CACNA1C: variants seen among roughly 807,000 people sequenced by gnomAD.
The protein encoded by CACNA1C is calcium voltage-gated channel subunit alpha1 C.
Under a neutral mutation model 229.0 loss-of-function variants are expected in CACNA1C, and 30 were observed. The ratio of observed to expected loss-of-function variants is 0.13; its 90% CI spans 0.10 to 0.18. The LOEUF is 0.18. Ranked by LOEUF, CACNA1C falls within the 10% of genes least tolerant of loss-of-function variation. The pLI is 1.00. For missense variants in CACNA1C, 1,658 were observed against 2,845.0 expected (o/e 0.58, Z 9.49); for synonymous variants, 1,114 against 1,132.5 (o/e 0.98, Z 0.33).
intron 1 of CACNA1C, among the ~76,000 whole-genome samples, chr12:2,063,205 G>A (rs2058145611): frequency 6.9e-6 from 1 of 143,910 alleles, no homozygotes. Flanking sequence ...AGGCTGGAGT[G>A]CAGTGGTACG....
chr12:2,364,141 G>C (rs762063769), intron 3 of CACNA1C, among the ~76,000 whole-genome samples: 4 of 152,188 alleles, frequency 2.6e-5, no homozygotes, highest in Non-Finnish European at 5.9e-5. Flanking sequence ...ACCTAAACGA[G>C]AGGTGAGGCC....
At chr12:2,192,398 A>G (rs2097266696) in intron 3 of CACNA1C, among the ~76,000 whole-genome samples, 1 of 152,068 alleles carries the variant, frequency 6.6e-6, no homozygotes, top group African/African-American at 2.4e-5. Flanking sequence ...CTCAGCTCCA[A>G]GCCTTCTTCT....
intron 3 of CACNA1C, among the ~76,000 whole-genome samples, chr12:2,197,918 C>T (rs1207239930): frequency 6.6e-6 from 1 of 152,190 alleles, no homozygotes; most frequent in African/African-American, 2.4e-5. Flanking sequence ...AGATGATTTC[C>T]AAACGAAGCT....
At chr12:2,624,588 A>G (rs995903157) in intron 29 of CACNA1C, among the ~76,000 whole-genome samples, 1 of 152,216 alleles carries the variant, frequency 6.6e-6, no homozygotes, top group Non-Finnish European at 1.5e-5. Context: ...GGAAACCTAG[A>G]CATTCTCTTG....
chr12:2,115,897 C>T (rs1003306221), intron 2 of CACNA1C, among the ~76,000 whole-genome samples: 3 of 152,248 alleles, frequency 2.0e-5, no homozygotes, highest in African/African-American at 7.2e-5. Flanking sequence ...CAGGGGCCCA[C>T]TCATGTGTTG....
chr12:2,349,784 G>A (rs73035417), intron 3 of CACNA1C, among the ~76,000 whole-genome samples: 13,757 of 152,166 alleles, frequency 0.09, 705 homozygotes, highest in Middle Eastern at 0.12. Context: ...TGGGAGGAAC[G>A]CACCTTGCAC....
intron 3 of CACNA1C, among the ~76,000 whole-genome samples, chr12:2,446,883 G>T (rs1423404363): frequency 6.6e-6 from 1 of 152,118 alleles, no homozygotes; most frequent in Admixed American, 6.5e-5. Context: ...TGGATGGATG[G>T]GTGGGCAGGT....
At chr12:2,090,549 C>T (rs2070349147) in intron 1 of CACNA1C, among the ~76,000 whole-genome samples, 1 of 152,096 alleles carries the variant, frequency 6.6e-6, no homozygotes, top group South Asian at 2.1e-4. Context: ...AACTCCTGAC[C>T]TCAAGTGATC....
chr12:2,614,053 C>T (rs867701158), intron 29 of CACNA1C: 6 of 152,324 alleles, frequency 3.9e-5, no homozygotes, highest in Middle Eastern at 3.4e-3. Context: ...AGACAACCTT[C>T]CCTGGGAAGT....
intron 3 of CACNA1C, among the ~76,000 whole-genome samples, chr12:2,400,691 C>A (rs970800273): frequency 6.6e-6 from 1 of 152,110 alleles, no homozygotes; most frequent in Non-Finnish European, 1.5e-5. Context: ...AGCATTCTTC[C>A]CTCTTATTTA....
chr12:2,452,561 A>G (rs1029035440), intron 4 of CACNA1C, among the ~76,000 whole-genome samples: 1 of 152,136 alleles, frequency 6.6e-6, no homozygotes, highest in African/African-American at 2.4e-5. Context: ...CCAGGCGTCC[A>G]CACCAGAGCC....
intron 3 of CACNA1C, among the ~76,000 whole-genome samples, chr12:2,151,553 A>G (rs1207491945): frequency 6.6e-6 from 1 of 152,212 alleles, no homozygotes; most frequent in East Asian, 1.9e-4. Context: ...ACATTTCAGT[A>G]GCCAGGCCAA....
chr12:2,600,487 C>G (rs1051849965), intron 21 of CACNA1C, among the ~76,000 whole-genome samples: 1 of 152,208 alleles, frequency 6.6e-6, no homozygotes, highest in African/African-American at 2.4e-5. Context: ...CCCAGATGAC[C>G]GGGGAGCCTT....
chr12:2,233,024 C>G (rs1361152487), intron 3 of CACNA1C, among the ~76,000 whole-genome samples: 2 of 152,196 alleles, frequency 1.3e-5, no homozygotes, highest in Non-Finnish European at 2.9e-5. Context: ...AACTGTTACT[C>G]CAAGGAGTAC....
chr12:2,193,226 G>A (rs2097296245), intron 3 of CACNA1C, among the ~76,000 whole-genome samples: 3 of 152,206 alleles, frequency 2.0e-5, no homozygotes, highest in South Asian at 4.1e-4. Flanking sequence ...AGGCTGAGGC[G>A]GGTGGATCAC....
chr12:2,273,943 G>C (rs2086440141), intron 3 of CACNA1C, among the ~76,000 whole-genome samples: 1 of 152,238 alleles, frequency 6.6e-6, no homozygotes, highest in Non-Finnish European at 1.5e-5. Flanking sequence ...TTGACCGACT[G>C]TCCATGCAAG....
intron 9 of CACNA1C, among the ~76,000 whole-genome samples, chr12:2,545,108 T>C (rs1288431202): frequency 6.6e-6 from 1 of 152,168 alleles, no homozygotes; most frequent in East Asian, 1.9e-4. Context: ...TGGTCGTTGC[T>C]GGTTGTTACA....
chr12:2,681,391 A>C (rs2153812465), intron 42 of CACNA1C, among the ~76,000 whole-genome samples: 1 of 152,318 alleles, frequency 6.6e-6, no homozygotes, highest in East Asian at 1.9e-4. Flanking sequence ...AACAACACAC[A>C]GGGCATCAAG....
At chr12:2,135,196 T>C (rs1476393580) in intron 3 of CACNA1C, among the ~76,000 whole-genome samples, 1 of 144,966 alleles carries the variant, frequency 6.9e-6, no homozygotes, top group East Asian at 2.0e-4. Context: ...GTTATTCTAG[T>C]TATACATTCT....
Sources: allele counts gnomAD v4.1 joint callset (sites outside exome capture counted in the v4.1 genomes callset), GRCh38; gene constraint gnomAD v4.1.1; transcripts MANE v1.5; gene names NCBI Gene and HGNC (gene_info 2026-07-23, HGNC 2026-07-21).